PIAS2: variants seen among roughly 807,000 people sequenced by gnomAD.
PIAS2 encodes the protein protein inhibitor of activated STAT 2, also known as E3 SUMO-protein ligase PIAS2.
Under a neutral mutation model 69.7 loss-of-function variants are expected in PIAS2, and 19 were observed. The ratio of observed to expected loss-of-function variants is 0.27; its 90% confidence interval spans 0.19 to 0.40. The LOEUF is 0.40. PIAS2 is among the 10% of genes least tolerant of loss of function. The probability of loss-of-function intolerance (pLI) is 1.00; values close to 1 mark genes in which losing one functional copy is unlikely to be tolerated. For synonymous variants in PIAS2, 261 were observed against 263.2 expected, an observed-to-expected ratio of 0.99 and a Z score of 0.08; for missense variants, 624 against 757.0, an observed-to-expected ratio of 0.82 and a Z score of 2.06.
chr18:46,868,682 C>G (rs1278869527), intron 2 of PIAS2, among the ~76,000 whole-genome samples: 6 of 152,198 alleles, frequency 3.9e-5, no homozygotes, highest in African/African-American at 1.2e-4. Flanking sequence ...GACCAGCACC[C>G]TTCTGCAGAA....
chr18:46,820,724 TTTC>T (rs554395486), intron 12 of PIAS2, among the ~76,000 whole-genome samples: 4 of 152,134 alleles, frequency 2.6e-5, no homozygotes, highest in African/African-American at 4.8e-5. Flanking sequence ...TTCTACTATA[TTTC>T]TTATCACCAG....
Position 46,811,029 on chromosome 18 carries a change from G to A in PIAS2, c.*1404C>T, listed in dbSNP as rs984344734. The A allele has an allele frequency of 3.3e-5, 5 of 152,108 alleles. No homozygotes were observed. Among genetic ancestry groups the A allele is most frequent in the Non-Finnish European group, 7.4e-5 (5 of 68,020 alleles). The allele number at this position is 152,108 out of a possible 1,614,324, so 9.4% of individuals were successfully genotyped here. On this transcript the variant is annotated 3_prime_UTR_variant, in exon 14 of 14. Transcript: ENST00000585916. ...AAACTGGATGAAAATGTTTCTCTAAGAGTAAAACCCAGTTTTCTCTGTGAT... is the reference window on the plus strand; with the variant it reads ...AAACTGGATGAAAATGTTTCTCTAAAAGTAAAACCCAGTTTTCTCTGTGAT...
intron 11 of PIAS2, among the ~76,000 whole-genome samples, chr18:46,821,799 C>T (rs1302222108): frequency 6.6e-6 from 1 of 152,120 alleles, no homozygotes; most frequent in Non-Finnish European, 1.5e-5. Flanking sequence ...ATAAATACTT[C>T]ACAATTGGTA....
chr18:46,893,359 T>C (rs185888591), intron 1 of PIAS2: 9 of 434,090 alleles, frequency 2.1e-5, no homozygotes, highest in East Asian at 1.6e-4. Context: ...CTTATACTTA[T>C]TGTCAGATAT....
At chr18:46,884,113 G>C (rs2052737878) in intron 2 of PIAS2, among the ~76,000 whole-genome samples, 1 of 152,102 alleles carries the variant, frequency 6.6e-6, no homozygotes, top group African/African-American at 2.4e-5. Flanking sequence ...ACAAATCCAG[G>C]ATAGTGATTT....
intron 13 of PIAS2, 21 bp from the exon 14 acceptor site, chr18:46,812,633 T>G (rs976428258): frequency 1.3e-6 from 2 of 1,515,812 alleles, no homozygotes; most frequent in Admixed American, 3.5e-5. Flanking sequence ...CAAACAATGA[T>G]GCCAATGAGG....
At chr18:46,842,755 T>G (rs1290757648) in intron 8 of PIAS2, among the ~76,000 whole-genome samples, 1 of 152,182 alleles carries the variant, frequency 6.6e-6, no homozygotes, top group East Asian at 1.9e-4. Context: ...GAGGAAGTCG[T>G]GTGTCCTTCC....
At chr18:46,908,117 A>G (rs2056844679) in intron 1 of PIAS2, 1 of 152,138 alleles carries the variant, frequency 6.6e-6, no homozygotes, top group African/African-American at 2.4e-5. Context: ...CTATATATCA[A>G]AAGAAGTTTG....
chr18:46,846,660 C>A (rs778786660), intron 6 of PIAS2, 47 bp downstream of exon 6: 6 of 1,523,886 alleles, frequency 3.9e-6, no homozygotes, highest in Non-Finnish European at 5.3e-6. Context: ...AGAAAGTCAA[C>A]CCTCAGTGGG....
chr18:46,861,684 C>A (rs971912264), intron 3 of PIAS2, among the ~76,000 whole-genome samples: 1 of 152,098 alleles, frequency 6.6e-6, no homozygotes, highest in Non-Finnish European at 1.5e-5. Context: ...AGCCGTACCC[C>A]CAAATCAGAA....
intron 5 of PIAS2, chr18:46,852,679 C>T (rs1293841885): frequency 2.6e-5 from 4 of 152,222 alleles, no homozygotes; most frequent in Non-Finnish European, 5.9e-5. Flanking sequence ...AAGCCATCCT[C>T]AGTGGTACTG....
Position 46,855,943 on chromosome 18 carries a change from A to T in PIAS2, c.585-328T>A, listed in dbSNP as rs536898305. 1.4e-4 allele frequency among the ~76,000 whole-genome samples: 21 copies of T among 151,636 alleles called. No homozygotes were observed. In the South Asian group the frequency reaches 4.0e-3, roughly 29 times the overall value. The stretch of plus-strand genomic sequence containing the variant: ...AGTTCGGAAAGAGTTTTAATCAGCA[A>T]ATCTATTTGCTTAGAGCATTCTAAT... On this transcript the variant is annotated intron_variant, in intron 3 of 13. Transcript: ENST00000585916.
chr18:46,829,712 T>G (rs753727824), intron 10 of PIAS2, 22 bp downstream of exon 10: 3 of 1,606,374 alleles, frequency 1.9e-6, no homozygotes, highest in Admixed American at 1.7e-5. Flanking sequence ...TGCTTTACTC[T>G]CTGCTGCTAT....
At chr18:46,816,997 C>T (rs543531073) in intron 12 of PIAS2, 79 of 927,984 alleles carry the variant, frequency 8.5e-5, no homozygotes, top group Non-Finnish European at 9.3e-5. Context: ...CTTGTAATAC[C>T]TTCAGAGTTT....
chr18:46,882,719 A>G (rs1176394281), intron 2 of PIAS2, among the ~76,000 whole-genome samples: 1 of 152,232 alleles, frequency 6.6e-6, no homozygotes, highest in African/African-American at 2.4e-5. Flanking sequence ...CGGTACATCT[A>G]TAAGATAATA....
intron 1 of PIAS2, among the ~76,000 whole-genome samples, chr18:46,913,906 G>A (rs2057527427): frequency 6.6e-6 from 1 of 152,130 alleles, no homozygotes. Flanking sequence ...GGCTTCAAGC[G>A]ATCCTCTTGC....
chr18:46,835,033 G>T (rs1032047891), intron 9 of PIAS2, among the ~76,000 whole-genome samples: 1 of 152,114 alleles, frequency 6.6e-6, no homozygotes, highest in East Asian at 1.9e-4. Flanking sequence ...ACATCACAGG[G>T]CAATTTTAAA....
At position 46,827,972 on chromosome 18, in the gene PIAS2, T is replaced by C; in HGVS notation, c.1495A>G (p.Ser499Gly). ...KCIFMSETQS[S>G]PTKGVLMYQP... ...AAATTAACAAACCCTTTGGTTGGGC[T>C]GCTTTGTGTTTCTGACATAAAGATG... Residue 499 changes from serine (S) to glycine (G), a missense_variant, in exon 11 of 14, where the codon AGC becomes GGC. Ser to Gly is a moderately conservative substitution (Grantham distance 56). Transcript: ENST00000585916. 6.2e-7 allele frequency: 1 copy of C among 1,613,752 alleles called. No homozygotes were observed. Among genetic ancestry groups the C allele is most frequent in the Admixed American group, 1.7e-5 (1 of 60,010 alleles).
At chr18:46,843,943 A>G in intron 8 of PIAS2, 111 bp downstream of exon 8, 1 of 610,942 alleles carries the variant, frequency 1.6e-6, no homozygotes, top group Non-Finnish European at 2.8e-6. Context: ...GGAAAAGACA[A>G]AAGTTCAGCA....
Sources: allele counts gnomAD v4.1 joint callset (sites outside exome capture counted in the v4.1 genomes callset), GRCh38; gene constraint gnomAD v4.1.1; transcripts MANE v1.5; gene names NCBI Gene and HGNC (gene_info 2026-07-23, HGNC 2026-07-21).